Variants in PLCL2 observed in about 807,000 individuals in gnomAD.
PLCL2 encodes inactive phospholipase C-like protein 2.
PLCL2 carries 4 observed loss-of-function variants against 79.6 expected under a neutral mutation model. The observed-to-expected ratio is 0.05, with a 90% CI of 0.02 to 0.11. PLCL2 has a LOEUF of 0.11. Ranked by LOEUF, PLCL2 falls within the 10% of genes least tolerant of loss-of-function variation. The pLI is 1.00. For synonymous variants in PLCL2, 484 were observed against 457.7 expected, an observed-to-expected ratio of 1.06 and a Z score of -0.73; for missense variants, 895 against 1,291.0, an observed-to-expected ratio of 0.69 and a Z score of 4.70.
At chr3:17,079,550 C>T (rs1289676547) in intron 5 of PLCL2, among the ~76,000 whole-genome samples, 6 of 152,178 alleles carry the variant, frequency 3.9e-5, no homozygotes, top group African/African-American at 1.4e-4. Context: ...GTTGGAGTCA[C>T]GGTCACTCCT....
intron 1 of PLCL2, among the ~76,000 whole-genome samples, chr3:16,978,729 G>A (rs962524879): frequency 4.6e-5 from 7 of 152,250 alleles, no homozygotes; most frequent in African/African-American, 1.7e-4. Context: ...TCAGTTGCCA[G>A]AGGACATCGT....
chr3:17,071,088 A>G (rs2065056064), intron 5 of PLCL2, among the ~76,000 whole-genome samples: 1 of 152,120 alleles, frequency 6.6e-6, no homozygotes, highest in Non-Finnish European at 1.5e-5. Context: ...AAACCTTATT[A>G]TTGTTGTCCT....
chr3:17,015,080 G>C (rs1316239254), intron 3 of PLCL2, among the ~76,000 whole-genome samples, 169 bp downstream of exon 3: 1 of 152,194 alleles, frequency 6.6e-6, no homozygotes, highest in African/African-American at 2.4e-5. Context: ...AAAGAGATTA[G>C]TGTTTTGTTG....
intron 4 of PLCL2, among the ~76,000 whole-genome samples, chr3:17,056,662 AACAC>A (rs1412125879): frequency 6.6e-6 from 1 of 152,146 alleles, no homozygotes; most frequent in Non-Finnish European, 1.5e-5. Flanking sequence ...TTAAAGAAAA[AACAC>A]AGTCATGCAT....
intron 5 of PLCL2, 89 bp downstream of exon 5, chr3:17,068,154 C>T (rs1300087096): frequency 2.8e-6 from 2 of 711,304 alleles, no homozygotes; most frequent in Non-Finnish European, 2.5e-6. Context: ...CTGCATTGTA[C>T]ATGGTCAGCC....
chr3:16,995,818 T>C (rs554307477), intron 1 of PLCL2, among the ~76,000 whole-genome samples: 1 of 152,354 alleles, frequency 6.6e-6, no homozygotes, highest in East Asian at 1.9e-4. Context: ...TTTTTCAGCC[T>C]GAATTCTGCT....
At chr3:17,058,175 G>C (rs972261833) in intron 4 of PLCL2, among the ~76,000 whole-genome samples, 8 of 152,208 alleles carry the variant, frequency 5.3e-5, no homozygotes, top group Non-Finnish European at 1.0e-4. Flanking sequence ...GCCAAGGCAA[G>C]TGGACACAGA....
At chr3:17,015,367 C>T (rs950329016) in intron 3 of PLCL2, among the ~76,000 whole-genome samples, 4 of 152,130 alleles carry the variant, frequency 2.6e-5, no homozygotes, top group African/African-American at 7.2e-5. Flanking sequence ...GCTATGGTTT[C>T]CCTTCTTACA....
chr3:17,015,906 C>T (rs2064378710), intron 3 of PLCL2, among the ~76,000 whole-genome samples: 1 of 152,180 alleles, frequency 6.6e-6, no homozygotes, highest in Non-Finnish European at 1.5e-5. Context: ...AGACGTTGGG[C>T]CAGCACTTCT....
chr3:17,074,568 C>A (rs2065091696), intron 5 of PLCL2, among the ~76,000 whole-genome samples: 1 of 152,198 alleles, frequency 6.6e-6, no homozygotes, highest in South Asian at 2.1e-4. Flanking sequence ...ATTGACTTCT[C>A]CTTTTGAGCC....
rs2124961893 is a variant in PLCL2 at position 17,089,831 on chromosome 3, C to A, written c.3303C>A (p.Gly1101=). The A allele has an allele frequency of 6.2e-7, 1 of 1,613,914 alleles. No individual in the cohort carries two copies. The highest frequency in any genetic ancestry group is 8.5e-7 in the Non-Finnish European group (1 of 1,179,830). The change falls in exon 6 of 6, where the codon GGC becomes GGA. Residue 1101 remains glycine (G), a synonymous_variant. Coordinates refer to ENST00000615277, the MANE Select transcript of PLCL2 (RefSeq NM_001144382.2). Reference sequence around the variant, plus strand: ...TTTCATGTGGACTGAATAAACCAGGCACCGAAAATGCTGATGTCCAGAAGC... The same window carrying A: ...TTTCATGTGGACTGAATAAACCAGGAACCGAAAATGCTGATGTCCAGAAGC... ...AAVSCGLNKP[G]TENADVQKPR...
At chr3:17,072,343 T>G (rs758112136) in intron 5 of PLCL2, among the ~76,000 whole-genome samples, 5 of 152,068 alleles carry the variant, frequency 3.3e-5, no homozygotes, top group Non-Finnish European at 7.4e-5. Context: ...CATGTTTTAG[T>G]TATAAGTATT....
intron 1 of PLCL2, among the ~76,000 whole-genome samples, chr3:16,941,724 C>A (rs1321815117): frequency 6.6e-6 from 1 of 152,166 alleles, no homozygotes; most frequent in Non-Finnish European, 1.5e-5. Context: ...CATAGCACCG[C>A]AACTATCTCT....
intron 3 of PLCL2, among the ~76,000 whole-genome samples, chr3:17,015,866 G>C (rs1424538858): frequency 6.6e-6 from 1 of 152,180 alleles, no homozygotes; most frequent in Non-Finnish European, 1.5e-5. Context: ...GTAATTTAGA[G>C]GGATTTATGC....
intron 1 of PLCL2, among the ~76,000 whole-genome samples, chr3:16,902,659 T>C (rs1180010695): frequency 6.6e-6 from 1 of 152,018 alleles, no homozygotes; most frequent in African/African-American, 2.4e-5. Context: ...AAACCCTGTC[T>C]CTATTAGAAA....
rs1992381 is a variant in PLCL2 at position 16,886,567 on chromosome 3, T to A, written c.327+1201T>A. Among the ~76,000 whole-genome samples the A allele has an allele frequency of 0.086, 13,158 of 152,272 alleles. 702 individuals are homozygous for A. The highest frequency in any genetic ancestry group is 0.17 in the Admixed American group (2,538 of 15,294). ...TCTATGTAAGAGGCAATTGTGAAAC[T>A]GCATTTCCCTTTGTCATCTGTTTGC... is the stretch of plus-strand genomic sequence containing the variant. On this transcript the variant is annotated intron_variant, in intron 1 of 5. Transcript: ENST00000615277. This position sits in a 1 kb window ranked among gnomAD's most constrained non-coding sequence, Gnocchi z 4.2.
At chr3:16,957,324 T>G (rs922915792) in intron 1 of PLCL2, among the ~76,000 whole-genome samples, 7 of 152,238 alleles carry the variant, frequency 4.6e-5, no homozygotes, top group African/African-American at 1.7e-4. Context: ...TCAGTTTCCA[T>G]GTAGTTGAGC....
chr3:17,064,192 A>G (rs965673682), intron 4 of PLCL2, among the ~76,000 whole-genome samples: 4 of 152,206 alleles, frequency 2.6e-5, no homozygotes, highest in Non-Finnish European at 4.4e-5. Context: ...GTGACATGCT[A>G]GGAGTAGATT....
intron 4 of PLCL2, among the ~76,000 whole-genome samples, chr3:17,051,649 A>G (rs2064840227): frequency 2.6e-5 from 4 of 152,152 alleles, no homozygotes; most frequent in Admixed American, 2.6e-4. Context: ...AGATGCAGTC[A>G]GGTTTATGGT....
Sources: allele counts gnomAD v4.1 joint callset (sites outside exome capture counted in the v4.1 genomes callset), GRCh38; gene constraint gnomAD v4.1.1; non-coding constraint Gnocchi (gnomAD v3.1); transcripts MANE v1.5; gene names NCBI Gene and HGNC (gene_info 2026-07-23, HGNC 2026-07-21).